FANCD2: variants seen among roughly 807,000 people sequenced by gnomAD.
FANCD2 encodes the protein FA complementation group D2.
A neutral mutation model predicts 192.3 loss-of-function variants in FANCD2; 131 were observed. That is an observed-to-expected ratio of 0.68 (90% CI 0.59 to 0.79). FANCD2 has a LOEUF of 0.79. FANCD2 is among the 30% of genes least tolerant of loss of function. The pLI is 0.00. For missense variants in FANCD2, 1,508 were observed against 1,701.6 expected, an observed-to-expected ratio of 0.89 and a Z score of 2.00; for synonymous variants, 524 against 612.5, an observed-to-expected ratio of 0.86 and a Z score of 2.13.
intron 43 of FANCD2, 55 bp downstream of exon 43, chr3:10,098,870 G>A (rs1164390533): frequency 6.2e-7 from 1 of 1,614,180 alleles, no homozygotes; most frequent in South Asian, 1.1e-5. Flanking sequence ...TTTGTTAATT[G>A]TTCTAAGTTG....
rs1166281359 is a variant in FANCD2, at chr3:10,072,223, A to G, written c.2495-648A>G. On this transcript the variant is annotated intron_variant, in intron 26 of 43. Coordinates refer to ENST00000675286, the MANE Select transcript of FANCD2 (RefSeq NM_001018115.3). ...ATTTACCCTCATGTGATTATTATACATTGTGTACCTGTATCAAAATATCTC... is the reference window on the plus strand; with the variant it reads ...ATTTACCCTCATGTGATTATTATACGTTGTGTACCTGTATCAAAATATCTC... Among the ~76,000 whole-genome samples, 3 of 152,004 alleles carry G rather than the reference A, an allele frequency of 2.0e-5. 1 individual carries two copies. The East Asian group carries it at 5.8e-4, about 29-fold the overall frequency.
chr3:10,043,130 G>A lies in FANCD2; in HGVS notation c.969G>A (p.Leu323=). The A allele has an allele frequency of 1.9e-6, 3 of 1,614,058 alleles. No individual in the cohort carries two copies. Among genetic ancestry groups the A allele is most frequent in the Non-Finnish European group, 2.5e-6 (3 of 1,179,994 alleles). ...GGTTACAGGCTTCCCAAGTAAAGTT[G>A]AAAAGTAAAGGACGAGCAAGGTAAA... ...PSRLQASQVK[L]KSKGRASSSG... Residue 323 remains leucine (L), a synonymous_variant, in exon 12 of 44, where the codon TTG becomes TTA. Coordinates refer to ENST00000675286, the MANE Select transcript of FANCD2 (RefSeq NM_001018115.3).
chr3:10,080,864 A>T (rs567183643), intron 30 of FANCD2, among the ~76,000 whole-genome samples: 8 of 152,346 alleles, frequency 5.3e-5, no homozygotes, highest in African/African-American at 1.4e-4. Context: ...TAGTTATGAT[A>T]GGGCTATATG....
At chr3:10,051,249 T>C (rs13319510) in intron 17 of FANCD2, among the ~76,000 whole-genome samples, 33,296 of 146,902 alleles carry the variant, frequency 0.23, 4,885 homozygotes, top group African/African-American at 0.43. Flanking sequence ...GGCGTAGTGG[T>C]GGGCGCCTGT....
At chr3:10,074,877 A>T (rs1353992335) in intron 29 of FANCD2, among the ~76,000 whole-genome samples, 1 of 152,242 alleles carries the variant, frequency 6.6e-6, no homozygotes, top group East Asian at 1.9e-4. Flanking sequence ...GTCAGACATT[A>T]TAAAATATCA....
chr3:10,062,247 CTTT>C (rs751474920), intron 20 of FANCD2, 36 bp downstream of exon 20: 191 of 1,338,688 alleles, frequency 1.4e-4, no homozygotes, highest in South Asian at 1.8e-4. Flanking sequence ...TTTTTCCTGT[CTTT>C]TTTTTTTTTT....
At chr3:10,074,030 C>T (rs193031613) in intron 28 of FANCD2, among the ~76,000 whole-genome samples, 248 of 152,248 alleles carry the variant, frequency 1.6e-3, no homozygotes, top group African/African-American at 5.6e-3. Context: ...ACTGCAACCT[C>T]CACCTCCCGG....
intron 14 of FANCD2, among the ~76,000 whole-genome samples, chr3:10,044,619 A>C (rs189336608): frequency 3.3e-5 from 5 of 152,128 alleles, no homozygotes; most frequent in Admixed American, 3.3e-4. Context: ...TGAGTTCCTT[A>C]GGTGCTGATT....
At chr3:10,028,593 A>G in intron 1 of FANCD2, 32 bp from the exon 2 acceptor site, 1 of 1,370,208 alleles carries the variant, frequency 7.3e-7, no homozygotes. Context: ...TATCTTCTAG[A>G]GGGTAACTTC....
In FANCD2 at chr3:10,034,467, A is replaced by G; in HGVS notation, c.206-2A>G. Reference sequence around the variant, plus strand: ...TGACCAGCTCTTCTTTTTTCTGCATAGCTGTGGATCAAATAGCTTTCCAAA... The same window carrying G: ...TGACCAGCTCTTCTTTTTTCTGCATGGCTGTGGATCAAATAGCTTTCCAAA... On this transcript the variant is annotated splice_acceptor_variant, in intron 3 of 43. Transcript: ENST00000675286. LOFTEE classifies it high-confidence loss of function. The G allele has an allele frequency of 6.2e-7, 1 of 1,610,820 alleles. No homozygotes were observed. Among genetic ancestry groups the G allele is most frequent in the South Asian group, 1.1e-5 (1 of 91,016 alleles).
intron 32 of FANCD2, chr3:10,083,732 C>G (rs1693989702): frequency 6.6e-6 from 1 of 151,446 alleles, no homozygotes; most frequent in South Asian, 2.1e-4. Context: ...ACTAAAAATA[C>G]AAAAAATTAG....
At position 10,038,959 on chromosome 3, in the gene FANCD2, T is replaced by C. The variant is rs1019462974; in HGVS notation, c.492-320T>C. Among the ~76,000 whole-genome samples the C allele has an allele frequency of 3.9e-5, 6 of 152,328 alleles. No individual in the cohort carries two copies. The South Asian group carries it at 1.0e-3, about 26-fold the overall frequency. On this transcript the variant is annotated intron_variant, in intron 7 of 43. Coordinates refer to ENST00000675286, the MANE Select transcript of FANCD2 (RefSeq NM_001018115.3). ...TTAAAAATACTTGTCATATTCAGTT[T>C]TTAAGATTTATTAACATTGTCTTTT...
Position 10,034,781 on chromosome 3 carries a change from G to A in FANCD2, c.360G>A (p.Leu120=). 1.9e-6 allele frequency: 3 copies of A among 1,558,308 alleles called. No individual in the cohort carries two copies. Among genetic ancestry groups the A allele is most frequent in the Non-Finnish European group, 2.6e-6 (3 of 1,150,438 alleles). The change falls in exon 5 of 44, where the codon CTG becomes CTA. Residue 120 remains leucine, a synonymous_variant. Coordinates refer to ENST00000675286, the MANE Select transcript of FANCD2 (RefSeq NM_001018115.3). ...ACTGCCTTTTGTCTTGTGAGCGTCT[G>A]CAGGATGAGGAAGCCAGGTGTGGAG... ...FRNCLLSCER[L]QDEEASMGAS... is the part of the protein sequence containing the mutation.
chr3:10,039,856 C>A lies in FANCD2; in HGVS notation c.695+11C>A, dbSNP rs2124985481. The A allele has an allele frequency of 6.2e-7, 1 of 1,613,848 alleles. No homozygotes were observed. Among genetic ancestry groups the A allele is most frequent in the Non-Finnish European group, 8.5e-7 (1 of 1,179,986 alleles). On this transcript the variant is annotated intron_variant, in intron 9 of 43. Coordinates refer to ENST00000675286, the MANE Select transcript of FANCD2 (RefSeq NM_001018115.3). ...GGGGAAAGAACTCAGGTGGATAAACCCTCTGTCATCATCTAAGTGAGGCTC... is the reference window on the plus strand; with the variant it reads ...GGGGAAAGAACTCAGGTGGATAAACACTCTGTCATCATCTAAGTGAGGCTC...
intron 6 of FANCD2, 108 bp downstream of exon 6, chr3:10,035,341 G>C: frequency 1.0e-6 from 1 of 990,842 alleles, no homozygotes; most frequent in Non-Finnish European, 1.6e-6. Context: ...TGGAGAATTT[G>C]GGTTTGTAGC....
At chr3:10,060,861 T>C (rs948206282) in intron 19 of FANCD2, among the ~76,000 whole-genome samples, 2 of 152,138 alleles carry the variant, frequency 1.3e-5, no homozygotes, top group African/African-American at 4.8e-5. Flanking sequence ...GAAATATCGG[T>C]TTGGGGGCTT....
At chr3:10,052,665 C>T (rs1446902572) in intron 18 of FANCD2, among the ~76,000 whole-genome samples, 168 bp downstream of exon 18, 1 of 152,114 alleles carries the variant, frequency 6.6e-6, no homozygotes, top group African/African-American at 2.4e-5. Flanking sequence ...ACTACAGGCA[C>T]GTGCCACCAT....
At chr3:10,085,492 A>G (rs572933824) in intron 32 of FANCD2, among the ~76,000 whole-genome samples, 1 of 147,696 alleles carries the variant, frequency 6.8e-6, no homozygotes, top group East Asian at 2.0e-4. Flanking sequence ...CCCGAGTTCT[A>G]GCGATTCTTC....
intron 34 of FANCD2, among the ~76,000 whole-genome samples, chr3:10,087,880 C>G (rs1230402890): frequency 1.3e-5 from 2 of 152,114 alleles, no homozygotes; most frequent in Non-Finnish European, 1.5e-5. Context: ...AACTCCTGAC[C>G]TCGTGATCCA....
Sources: gnomAD v4.1 joint callset for allele counts (sites outside exome capture counted in the v4.1 genomes callset) on GRCh38, gnomAD v4.1.1 for gene constraint, MANE v1.5 for transcripts, NCBI Gene and HGNC (gene_info 2026-07-23, HGNC 2026-07-21) for gene names.